The following MBD5 variants were observed in gnomAD, a reference collection of about 807,000 sequenced individuals.
MBD5 encodes the protein methyl-CpG binding domain protein 5.
MBD5 carries 13 observed loss-of-function variants against 117.3 expected under a neutral mutation model. The ratio of observed to expected loss-of-function variants is 0.11; its 90% CI spans 0.07 to 0.18. The LOEUF (loss-of-function observed/expected upper bound fraction) is 0.18, where lower values mean the gene tolerates loss of function less well. MBD5 is among the 10% of genes least tolerant of loss of function. The pLI is 1.00. For synonymous variants in MBD5, 727 were observed against 766.4 expected (o/e 0.95, Z 0.85); for missense variants, 1,879 against 2,093.8 (o/e 0.90, Z 2.00).
intron 1 of MBD5, among the ~76,000 whole-genome samples, chr2:148,107,220 A>G (rs1372874466): frequency 1.3e-5 from 2 of 152,060 alleles, no homozygotes; most frequent in African/African-American, 4.8e-5. Flanking sequence ...TGTTGAAGAT[A>G]TTATTTTAGT....
chr2:148,436,173 C>A (rs1318406116), intron 4 of MBD5, among the ~76,000 whole-genome samples: 1 of 152,098 alleles, frequency 6.6e-6, no homozygotes, highest in Admixed American at 6.6e-5. Flanking sequence ...TCTGCCTGTT[C>A]TAGGAAGATT....
intron 4 of MBD5, among the ~76,000 whole-genome samples, chr2:148,447,178 G>GGAAGAAAGGAA (rs1706570693): frequency 7.3e-6 from 1 of 137,650 alleles, no homozygotes; most frequent in African/African-American, 2.9e-5. Flanking sequence ...AAAGGAAGAA[G>GGAAGAAAGGAA]GAAAGAAAGA....
intron 4 of MBD5, among the ~76,000 whole-genome samples, chr2:148,360,338 G>A (rs1485189542): frequency 2.6e-5 from 4 of 151,982 alleles, no homozygotes; most frequent in African/African-American, 9.7e-5. Flanking sequence ...TTTATTTTTA[G>A]TATATGTTCT....
chr2:148,358,047 A>G (rs1246452887), intron 4 of MBD5, among the ~76,000 whole-genome samples: 1 of 152,034 alleles, frequency 6.6e-6, no homozygotes, highest in Non-Finnish European at 1.5e-5. Context: ...GCTCACATTA[A>G]TATATTGAAA....
chr2:148,033,571 A>G (rs1183980174), intron 1 of MBD5, among the ~76,000 whole-genome samples: 3 of 152,206 alleles, frequency 2.0e-5, no homozygotes, highest in South Asian at 2.1e-4. Flanking sequence ...GGAATGCCCA[A>G]AATATTAAGA....
At chr2:148,383,037 T>C (rs891109430) in intron 4 of MBD5, among the ~76,000 whole-genome samples, 2 of 151,318 alleles carry the variant, frequency 1.3e-5, no homozygotes, top group Non-Finnish European at 2.9e-5. Flanking sequence ...AACATCACAA[T>C]TAAAAGAACT....
At chr2:148,309,842 A>G (rs901170080) in intron 3 of MBD5, among the ~76,000 whole-genome samples, 8 of 152,132 alleles carry the variant, frequency 5.3e-5, no homozygotes, top group African/African-American at 1.9e-4. Context: ...ATCAATACCT[A>G]GTTTATTGAG....
At chr2:148,385,853 C>T (rs986688216) in intron 4 of MBD5, among the ~76,000 whole-genome samples, 107 of 150,624 alleles carry the variant, frequency 7.1e-4, no homozygotes, top group African/African-American at 2.1e-3. Context: ...AGCAATCTAT[C>T]GCAAGGACAA....
intron 8 of MBD5, among the ~76,000 whole-genome samples, chr2:148,477,613 C>T (rs532671342): frequency 1.3e-5 from 2 of 151,998 alleles, no homozygotes; most frequent in Non-Finnish European, 2.9e-5. Context: ...CATTAAAAAT[C>T]GGTCCTTTAA....
chr2:148,394,462 A>G (rs566746123), intron 4 of MBD5, among the ~76,000 whole-genome samples: 24 of 150,884 alleles, frequency 1.6e-4, no homozygotes, highest in Non-Finnish European at 3.1e-4. Flanking sequence ...ATTTTAGTAT[A>G]TAATTGTTCA....
intron 3 of MBD5, among the ~76,000 whole-genome samples, chr2:148,328,100 G>A (rs1205657171): frequency 1.2e-4 from 18 of 152,128 alleles, no homozygotes; most frequent in East Asian, 3.9e-4. Context: ...GTACCCGGCC[G>A]TGTGAGGTGT....
Position 148,143,368 on chromosome 2 carries a change from CAGAGT to C in MBD5, c.-924-35327_-924-35323del, listed in dbSNP as rs202006215. 2.2e-4 allele frequency among the ~76,000 whole-genome samples: 33 copies of C among 152,270 alleles called. No individual in the cohort carries two copies. The East Asian group carries it at 5.2e-3, about 24-fold the overall frequency. ...GAGGATGTTTGCCTCTGGAGACAGA[CAGAGT>C]AGAGACAAACGTGGCAGAAGAATGC... On this transcript the variant is annotated intron_variant, in intron 1 of 13. Coordinates refer to ENST00000642680, the MANE Select transcript of MBD5 (RefSeq NM_001378120.1).
At chr2:148,052,512 G>T (rs1206668061) in intron 1 of MBD5, among the ~76,000 whole-genome samples, 2 of 152,028 alleles carry the variant, frequency 1.3e-5, no homozygotes, top group South Asian at 2.1e-4. Flanking sequence ...GCCCAGCAGA[G>T]ATCTTTTTTA....
At chr2:148,496,005 A>G (rs886108607) in intron 11 of MBD5, among the ~76,000 whole-genome samples, 3 of 152,138 alleles carry the variant, frequency 2.0e-5, no homozygotes, top group African/African-American at 4.8e-5. Context: ...CAGACATTTT[A>G]CTTTGAAGAA....
At chr2:148,205,882 A>T (rs1239139826) in intron 2 of MBD5, among the ~76,000 whole-genome samples, 1 of 151,986 alleles carries the variant, frequency 6.6e-6, no homozygotes, top group Non-Finnish European at 1.5e-5. Flanking sequence ...AAAATCAGCC[A>T]GTGATCCCAG....
At chr2:148,149,639 G>T (rs1051631276) in intron 1 of MBD5, among the ~76,000 whole-genome samples, 17 of 151,996 alleles carry the variant, frequency 1.1e-4, no homozygotes, top group African/African-American at 3.9e-4. Context: ...ATTCTAACTG[G>T]TGTGAGATGG....
chr2:148,269,571 T>C (rs951740885), intron 3 of MBD5, among the ~76,000 whole-genome samples: 29 of 151,820 alleles, frequency 1.9e-4, no homozygotes, highest in African/African-American at 6.8e-4. Context: ...GATCACATAA[T>C]TGATATGTGA....
intron 1 of MBD5, among the ~76,000 whole-genome samples, chr2:148,056,621 T>G (rs1178927206): frequency 6.6e-6 from 1 of 152,132 alleles, no homozygotes; most frequent in Non-Finnish European, 1.5e-5. Context: ...TATGATTTCC[T>G]AAATTTAACC....
At chr2:148,038,165 A>T (rs1358956486) in intron 1 of MBD5, among the ~76,000 whole-genome samples, 1 of 152,026 alleles carries the variant, frequency 6.6e-6, no homozygotes, top group Non-Finnish European at 1.5e-5. Flanking sequence ...TGTGAAAGAG[A>T]AGAAAGTCAG....
Sources: allele counts gnomAD v4.1 joint callset (sites outside exome capture counted in the v4.1 genomes callset), GRCh38; gene constraint gnomAD v4.1.1; transcripts MANE v1.5; gene names NCBI Gene and HGNC (gene_info 2026-07-23, HGNC 2026-07-21).